The following HDAC5 variants were observed in gnomAD, a reference collection of about 807,000 sequenced individuals.
The protein encoded by HDAC5 is histone deacetylase 5.
Under a neutral mutation model 133.3 loss-of-function variants are expected in HDAC5, and 25 were observed. The observed-to-expected ratio is 0.19, with a 90% CI of 0.14 to 0.26. The LOEUF is 0.26. Among genes scored for constraint, HDAC5 ranks in the 10% least tolerant of loss-of-function variants. The pLI is 1.00. For synonymous variants in HDAC5, 589 were observed against 610.8 expected (o/e 0.96, Z 0.53); for missense variants, 1,041 against 1,460.5 (o/e 0.71, Z 4.68).
intron 2 of HDAC5, chr17:44,111,161 G>A (rs1033424202): frequency 5.3e-6 from 2 of 375,032 alleles, no homozygotes; most frequent in African/African-American, 4.1e-5. Context: ...CAGCGGGCAG[G>A]CGGGCTCTGT....
At chr17:44,083,491 C>A (rs907724586) in intron 18 of HDAC5, 54 bp downstream of exon 18, 29 of 1,316,982 alleles carry the variant, frequency 2.2e-5, no homozygotes, top group Admixed American at 1.3e-4. Context: ...TGTCCTCTGC[C>A]TCTGAGGAGC....
At chr17:44,111,197 C>A in intron 2 of HDAC5, 1 of 318,320 alleles carries the variant, frequency 3.1e-6, no homozygotes, top group South Asian at 2.9e-5. Context: ...TGGGTGACAG[C>A]TCTGGGCCCG....
intron 3 of HDAC5, among the ~76,000 whole-genome samples, chr17:44,107,625 A>AG (rs2052046847): frequency 6.6e-6 from 1 of 151,246 alleles, no homozygotes; most frequent in African/African-American, 2.4e-5. Context: ...AAAAAAAAAA[A>AG]AAAGGGCAGG....
At chr17:44,121,412 A>ACCC (rs938110975) in intron 1 of HDAC5, among the ~76,000 whole-genome samples, 1 of 128,896 alleles carries the variant, frequency 7.8e-6, no homozygotes, top group African/African-American at 2.9e-5. Context: ...GCCAAGAACC[A>ACCC]CCCCCCCTTG....
Position 44,093,203 on chromosome 17 carries a change from G to A in HDAC5, c.530C>T (p.Ala177Val), listed in dbSNP as rs1418640344. ...CAGCTTTACCTCAGTGCTGGCAATGGCACCTGCAGGACAGGGCACAACTGA... is the reference window on the plus strand; with the variant it reads ...CAGCTTTACCTCAGTGCTGGCAATGACACCTGCAGGACAGGGCACAACTGA... ...LRNKEKSKES[A>V]IASTEVKLRL... The change falls in exon 6 of 27, where the codon GCC (alanine) becomes GTC (valine). Residue 177 changes from alanine (A) to valine (V), a missense_variant. By Grantham distance (64) the Ala-to-Val change is moderately conservative (BLOSUM62 0). Around this residue, in one of 9 missense-constraint regions of HDAC5, gnomAD observed 109 missense variants for 168.0 expected, o/e 0.65. Transcript: ENST00000682912. 1 of 1,610,818 alleles carries A rather than the reference G, an allele frequency of 6.2e-7. No homozygotes were observed. The highest frequency in any genetic ancestry group is 8.5e-7 in the Non-Finnish European group (1 of 1,178,014).
At chr17:44,104,083 C>G (rs544375349) in intron 3 of HDAC5, among the ~76,000 whole-genome samples, 6 of 151,698 alleles carry the variant, frequency 4.0e-5, no homozygotes, top group African/African-American at 1.5e-4. Flanking sequence ...CACTTTGGGA[C>G]CCCGAGGTGG....
In HDAC5 at chr17:44,078,307, T is replaced by C. The variant is rs1237345235; in HGVS notation, c.*69A>G. On this transcript the variant is annotated 3_prime_UTR_variant, in exon 27 of 27. Coordinates refer to ENST00000682912, the MANE Select transcript of HDAC5 (RefSeq NM_005474.5). Reference sequence around the variant, plus strand: ...CGGCACACCTTGTTGAATGTGTGACTTTTTGTTTTTAATAGAAAAAATAAA... The same window carrying C: ...CGGCACACCTTGTTGAATGTGTGACCTTTTGTTTTTAATAGAAAAAATAAA... 1.4e-6 allele frequency: 2 copies of C among 1,463,138 alleles called. No individual in the cohort carries two copies. The highest frequency in any genetic ancestry group is 1.4e-5 in the African/African-American group (1 of 70,552). The allele number at this position is 1,463,138 out of a possible 1,614,324, so 90.6% of individuals were successfully genotyped here. A position where few individuals can be genotyped will look rare whatever the true frequency, so the allele number is the denominator to read the frequency against.
chr17:44,115,533 A>G (rs1357007869), intron 2 of HDAC5, among the ~76,000 whole-genome samples: 1 of 152,178 alleles, frequency 6.6e-6, no homozygotes, highest in African/African-American at 2.4e-5. Context: ...AGCTCTGGGA[A>G]TAGCAGACGC....
intron 3 of HDAC5, among the ~76,000 whole-genome samples, chr17:44,108,760 A>C (rs925348226): frequency 8.9e-5 from 12 of 134,180 alleles, no homozygotes; most frequent in South Asian, 2.5e-4. Context: ...CCAAAAAAAA[A>C]ACAAAAAAAA....
At chr17:44,086,783 CAG>C (rs2050670801) in intron 13 of HDAC5, 46 bp from the exon 14 acceptor site, 1 of 1,265,222 alleles carries the variant, frequency 7.9e-7, no homozygotes, top group East Asian at 2.9e-5. Context: ...TCAGCCAGGA[CAG>C]GGGTGAGGGC....
chr17:44,082,662 A>G lies in HDAC5; in HGVS notation c.2530T>C (p.Phe844Leu). ...GCGGTGATGGCTACAGAGTTGAAGAAGCAGAATCCCCTGAGGAGGGGAGAA... is the reference window on the plus strand; with the variant it reads ...GCGGTGATGGCTACAGAGTTGAAGAGGCAGAATCCCCTGAGGAGGGGAGAA... ...AEESTAMGFCFFNSVAITAKL... is the reference protein window; with the variant it reads ...AEESTAMGFCLFNSVAITAKL... The change falls in exon 20 of 27, where the codon TTC becomes CTC. Residue 844 changes from phenylalanine to leucine, a missense_variant. This residue lies in a region of HDAC5 where 174 missense variants were observed against 352.7 expected (regional missense o/e 0.49). Transcript: ENST00000682912. 1 of 1,614,116 alleles carries G rather than the reference A, an allele frequency of 6.2e-7. No homozygotes were observed. Among genetic ancestry groups the G allele is most frequent in the South Asian group, 1.1e-5 (1 of 91,084 alleles).
At chr17:44,107,703 C>T (rs916394851) in intron 3 of HDAC5, among the ~76,000 whole-genome samples, 4 of 151,608 alleles carry the variant, frequency 2.6e-5, no homozygotes, top group African/African-American at 7.3e-5. Flanking sequence ...GAGTCTTGCA[C>T]TTCTTACCCT....
chr17:44,081,225 G>A (rs149211479), intron 20 of HDAC5, among the ~76,000 whole-genome samples: 4 of 152,172 alleles, frequency 2.6e-5, no homozygotes, highest in African/African-American at 9.6e-5. Context: ...GGCTAGTAGG[G>A]AATTTAAAAC....
chr17:44,094,724 GTGTA>G (rs1264859622), intron 3 of HDAC5, among the ~76,000 whole-genome samples: 3 of 145,890 alleles, frequency 2.1e-5, no homozygotes, highest in South Asian at 2.4e-4. Context: ...GTGTGTGTGT[GTGTA>G]TATATATGTG....
At chr17:44,100,889 A>G (rs2051563390) in intron 3 of HDAC5, among the ~76,000 whole-genome samples, 1 of 149,090 alleles carries the variant, frequency 6.7e-6, no homozygotes, top group Non-Finnish European at 1.5e-5. Flanking sequence ...TCTGGGTTCA[A>G]GCGATTCTCC....
intron 3 of HDAC5, among the ~76,000 whole-genome samples, chr17:44,107,103 C>G (rs1200423981): frequency 6.6e-6 from 1 of 152,040 alleles, no homozygotes; most frequent in Admixed American, 6.6e-5. Flanking sequence ...TGCTACTGTG[C>G]CTGATTAATT....
At chr17:44,115,378 T>C (rs2052586698) in intron 2 of HDAC5, among the ~76,000 whole-genome samples, 1 of 152,190 alleles carries the variant, frequency 6.6e-6, no homozygotes, top group Non-Finnish European at 1.5e-5. Flanking sequence ...CTTTCCTTCT[T>C]GGGGCTCTCT....
Position 44,093,498 on chromosome 17 carries a change from G to A in HDAC5, c.355-13C>T, listed in dbSNP as rs776499866. 13 of 1,603,332 alleles carry A rather than the reference G, an allele frequency of 8.1e-6. No homozygotes were observed. The African/African-American group carries it at 1.5e-4, about 18-fold the overall frequency. On this transcript the variant is annotated splice_polypyrimidine_tract_variant and intron_variant, in intron 4 of 26. Transcript: ENST00000682912. ...TCTCCTGCTGCTGCTGCAGGGGCAT[G>A]GGAACGGAGGCACAAGTGAGCCAGG... is the stretch of plus-strand genomic sequence containing the variant.
intron 3 of HDAC5, among the ~76,000 whole-genome samples, chr17:44,106,564 C>T (rs913517445): frequency 6.6e-6 from 1 of 152,008 alleles, no homozygotes; most frequent in Non-Finnish European, 1.5e-5. Context: ...CAGAAGAGGG[C>T]CACCTTTTAA....
Sources: gnomAD v4.1 joint callset for allele counts (sites outside exome capture counted in the v4.1 genomes callset) on GRCh38, gnomAD v4.1.1 for gene constraint, gnomAD v4.1.1 regional missense constraint, MANE v1.5 for transcripts, NCBI Gene and HGNC (gene_info 2026-07-23, HGNC 2026-07-21) for gene names.